The following CDIN1 variants were observed in gnomAD, a reference collection of about 807,000 sequenced individuals.
The protein encoded by CDIN1 is CDAN1 interacting nuclease 1, also known as CDAN1-interacting nuclease 1.
In CDIN1, 33 loss-of-function variants were observed where a neutral mutation model predicts 45.3. That is an observed-to-expected ratio of 0.73 (90% CI 0.55 to 0.97). The LOEUF is 0.97. Among genes scored for constraint, CDIN1 ranks in the 50% least tolerant of loss-of-function variants. CDIN1 has a pLI of 0.00. For synonymous variants in CDIN1, 118 were observed against 124.4 expected, an observed-to-expected ratio of 0.95 and a Z score of 0.34; for missense variants, 303 against 339.4, an observed-to-expected ratio of 0.89 and a Z score of 0.84.
chr15:36,713,848 C>T (rs1321535451), intron 10 of CDIN1, among the ~76,000 whole-genome samples: 2 of 152,152 alleles, frequency 1.3e-5, no homozygotes, highest in Non-Finnish European at 2.9e-5. Context: ...GCGCCTCCTG[C>T]GTTTTGCTAA....
At chr15:36,691,363 A>C in intron 5 of CDIN1, 1 of 288,616 alleles carries the variant, frequency 3.5e-6, no homozygotes, top group East Asian at 1.0e-4. Flanking sequence ...AAAGGTAAAT[A>C]TTTTCTGATT....
At chr15:36,783,276 G>T (rs149348417) in intron 10 of CDIN1, among the ~76,000 whole-genome samples, 1 of 151,986 alleles carries the variant, frequency 6.6e-6, no homozygotes, top group Non-Finnish European at 1.5e-5. Context: ...GGTCCCAGCC[G>T]CACACCAGCA....
intron 5 of CDIN1, among the ~76,000 whole-genome samples, chr15:36,681,925 C>T (rs2041863098): frequency 6.6e-6 from 1 of 151,974 alleles, no homozygotes; most frequent in Non-Finnish European, 1.5e-5. Flanking sequence ...ATATTGAATC[C>T]AAAAGCAGAG....
intron 10 of CDIN1, among the ~76,000 whole-genome samples, chr15:36,773,729 T>C (rs913289952): frequency 1.3e-5 from 2 of 152,234 alleles, no homozygotes; most frequent in Admixed American, 6.5e-5. Flanking sequence ...GGCTAGATAT[T>C]ATTATAGTGT....
chr15:36,725,993 A>G (rs536450105), intron 10 of CDIN1, among the ~76,000 whole-genome samples: 14 of 152,314 alleles, frequency 9.2e-5, no homozygotes, highest in African/African-American at 2.6e-4. Flanking sequence ...GAAAGTTTAC[A>G]TATTTGTCAT....
intron 10 of CDIN1, among the ~76,000 whole-genome samples, chr15:36,771,165 A>G (rs1483789557): frequency 6.6e-6 from 1 of 152,128 alleles, no homozygotes; most frequent in African/African-American, 2.4e-5. Flanking sequence ...TAAGATTTTT[A>G]TATTTTATAT....
chr15:36,648,590 C>G (rs529760994), intron 3 of CDIN1: 1 of 152,118 alleles, frequency 6.6e-6, no homozygotes, highest in South Asian at 2.1e-4. Context: ...TGCCACCACA[C>G]TCGGCTAATT....
At chr15:36,637,389 T>A (rs558399230) in intron 1 of CDIN1, among the ~76,000 whole-genome samples, 1 of 152,212 alleles carries the variant, frequency 6.6e-6, no homozygotes, top group Admixed American at 6.5e-5. Context: ...AAGAATAAAT[T>A]GGACTTCATC....
chr15:36,691,064 CTCTG>C, intron 5 of CDIN1: 1 of 479,676 alleles, frequency 2.1e-6, no homozygotes, highest in East Asian at 5.7e-5. Context: ...GTGTGTCTCT[CTCTG>C]TATATATTTT....
At chr15:36,617,621 G>A in intron 1 of CDIN1, 1 of 772,890 alleles carries the variant, frequency 1.3e-6, no homozygotes, top group East Asian at 2.5e-5. Context: ...GAAGTGTTAA[G>A]TTCTTCTCCC....
At chr15:36,589,227 AATCAATAT>A in intron 1 of CDIN1, among the ~76,000 whole-genome samples, 1 of 152,352 alleles carries the variant, frequency 6.6e-6, no homozygotes, top group Admixed American at 6.5e-5. Context: ...GAAACAAAAC[AATCAATAT>A]ATGCTTTACT....
rs181496816 is a variant in CDIN1, at chr15:36,628,997, G to C, written c.102-15281G>C. Among the ~76,000 whole-genome samples the C allele has an allele frequency of 6.6e-5, 10 of 152,256 alleles. No homozygotes were observed. The East Asian group carries it at 1.7e-3, about 26-fold the overall frequency. ...TTGAAGATGCTGATCTTGAAAATTG[G>C]AGTGATGTGTCCACAAGCTAAGGAA... On this transcript the variant is annotated intron_variant, in intron 1 of 10. Coordinates refer to ENST00000566621, the MANE Select transcript of CDIN1 (RefSeq NM_001321759.2).
chr15:36,654,170 G>A lies in CDIN1; in HGVS notation c.273+12G>A. 1 of 1,559,378 alleles carries A rather than the reference G, an allele frequency of 6.4e-7. No homozygotes were observed. Among genetic ancestry groups the A allele is most frequent in the Non-Finnish European group, 8.7e-7 (1 of 1,149,582 alleles). ...ACCTGGCCAATGAGGTAATGTTATT[G>A]TTATGATTTTATTTAAACCTGCGTG... is the stretch of plus-strand genomic sequence containing the variant. On this transcript the variant is annotated intron_variant, in intron 4 of 10. Transcript: ENST00000566621.
intron 5 of CDIN1, among the ~76,000 whole-genome samples, chr15:36,659,779 A>C (rs1477791313): frequency 6.6e-6 from 1 of 152,038 alleles, no homozygotes; most frequent in Non-Finnish European, 1.5e-5. Context: ...TTCTCTGGAC[A>C]GAAAATGGTT....
chr15:36,706,930 G>A (rs1470987569), intron 8 of CDIN1: 1 of 152,062 alleles, frequency 6.6e-6, no homozygotes, highest in African/African-American at 2.4e-5. Flanking sequence ...TTCATCTTTT[G>A]GGGGCATTAA....
At chr15:36,610,524 T>G (rs2038598160) in intron 1 of CDIN1, among the ~76,000 whole-genome samples, 1 of 152,242 alleles carries the variant, frequency 6.6e-6, no homozygotes, top group Non-Finnish European at 1.5e-5. Context: ...CATCCACTTC[T>G]TTTGCCACAC....
chr15:36,614,347 C>CT, intron 1 of CDIN1: 2 of 539,292 alleles, frequency 3.7e-6, no homozygotes, highest in South Asian at 1.6e-5. Flanking sequence ...TCCCCTGTGG[C>CT]TTTTTTGCCA....
intron 3 of CDIN1, 77 bp from the exon 4 acceptor site, chr15:36,654,021 T>G: frequency 9.2e-7 from 1 of 1,084,722 alleles, no homozygotes; most frequent in Non-Finnish European, 1.4e-6. Context: ...GAAACATGTA[T>G]ACACACAGGG....
At chr15:36,752,121 G>C (rs2053492286) in intron 10 of CDIN1, among the ~76,000 whole-genome samples, 2 of 152,116 alleles carry the variant, frequency 1.3e-5, no homozygotes, top group Non-Finnish European at 2.9e-5. Context: ...TAACAAACCT[G>C]CACATCCTGT....
Sources: gnomAD v4.1 joint callset for allele counts (sites outside exome capture counted in the v4.1 genomes callset) on GRCh38, gnomAD v4.1.1 for gene constraint, MANE v1.5 for transcripts, NCBI Gene and HGNC (gene_info 2026-07-23, HGNC 2026-07-21) for gene names.